ABHD12: variants seen among roughly 807,000 people sequenced by gnomAD.
ABHD12 encodes lysophosphatidylserine lipase ABHD12.
A neutral mutation model predicts 58.3 loss-of-function variants in ABHD12; 43 were observed. That is an observed-to-expected ratio of 0.74 (90% CI 0.58 to 0.95). The LOEUF (loss-of-function observed/expected upper bound fraction) is 0.95, where lower values mean the gene tolerates loss of function less well. Among genes scored for constraint, ABHD12 ranks in the 40% least tolerant of loss-of-function variants. The probability of loss-of-function intolerance (pLI) is 0.00; values close to 1 mark genes in which losing one functional copy is unlikely to be tolerated. For missense variants in ABHD12, 539 were observed against 537.2 expected (o/e 1.00, Z -0.03); for synonymous variants, 219 against 211.2 (o/e 1.04, Z -0.32).
intron 1 of ABHD12, among the ~76,000 whole-genome samples, chr20:25,369,004 T>C (rs2089863438): frequency 1.3e-5 from 2 of 151,860 alleles, no homozygotes; most frequent in Admixed American, 6.6e-5. Context: ...GCACCTATAG[T>C]CCCAGCTACT....
intron 7 of ABHD12, among the ~76,000 whole-genome samples, chr20:25,309,214 G>A (rs757391934): frequency 2.6e-5 from 4 of 152,064 alleles, no homozygotes. Context: ...GAGACCCCTC[G>A]ACCTCCACTG....
chr20:25,309,710 A>G, intron 6 of ABHD12, 135 bp from the exon 7 acceptor site: 2 of 1,296,600 alleles, frequency 1.5e-6, no homozygotes, highest in Non-Finnish European at 2.1e-6. Flanking sequence ...CAGAGTCCAC[A>G]GACCCACCCA....
rs1013194735 is a variant in ABHD12, at chr20:25,300,696, C to T, written c.*149G>A. 5 of 1,541,622 alleles carry T rather than the reference C, an allele frequency of 3.2e-6. No individual in the cohort carries two copies. The highest frequency in any genetic ancestry group is 1.4e-5 in the African/African-American group (1 of 73,028). ...CACTGCAGGCCTGCAGGGGCCTCCC[C>T]GCCTGGGATCTGAGGTGCTCTCCAG... On this transcript the variant is annotated 3_prime_UTR_variant, in exon 13 of 13. Coordinates refer to ENST00000339157, the MANE Select transcript of ABHD12 (RefSeq NM_001042472.3).
chr20:25,294,919 TA>T, exon 13 of ABHD12: 1 of 401,720 alleles, frequency 2.5e-6, no homozygotes, highest in Non-Finnish European at 3.2e-6. Flanking sequence ...GCCTTTGGGT[TA>T]GTTTTAGTTT....
chr20:25,333,656 C>T (rs1382741022), intron 2 of ABHD12, among the ~76,000 whole-genome samples: 16 of 151,728 alleles, frequency 1.1e-4, no homozygotes, highest in East Asian at 3.9e-4. Context: ...GTTCAATATA[C>T]GCAAATCAAT....
intron 11 of ABHD12, chr20:25,303,229 G>T (rs935249405): frequency 1.3e-5 from 16 of 1,221,774 alleles, no homozygotes; most frequent in Admixed American, 3.5e-5. Context: ...GGTTGGCCTG[G>T]GCTCTGATAA....
At chr20:25,318,570 G>A (rs2089006288) in intron 4 of ABHD12, among the ~76,000 whole-genome samples, 1 of 152,046 alleles carries the variant, frequency 6.6e-6, no homozygotes, top group African/African-American at 2.4e-5. Context: ...GGGTGGCGAG[G>A]ACTGCAGCCA....
At chr20:25,380,293 C>G (rs1326643896) in intron 1 of ABHD12, among the ~76,000 whole-genome samples, 2 of 152,112 alleles carry the variant, frequency 1.3e-5, no homozygotes, top group East Asian at 3.8e-4. Context: ...TGGAGTTTCG[C>G]TCTTGTTGCC....
chr20:25,342,817 G>T lies in ABHD12; in HGVS notation c.192-3466C>A, dbSNP rs534729040. On this transcript the variant is annotated intron_variant, in intron 1 of 12. Coordinates refer to ENST00000339157, the MANE Select transcript of ABHD12 (RefSeq NM_001042472.3). ...TGCCCAGGCTGGTCTTGAACTCCTG[G>T]GCTCAAGTGATCCTACCATCTTGGC... is the stretch of plus-strand genomic sequence containing the variant. Among the ~76,000 whole-genome samples, 5 of 152,098 alleles carry T rather than the reference G, an allele frequency of 3.3e-5. No homozygotes were observed. The East Asian group carries it at 7.8e-4, about 24-fold the overall frequency.
intron 1 of ABHD12, among the ~76,000 whole-genome samples, chr20:25,356,263 G>C (rs1223191647): frequency 2.6e-5 from 4 of 152,228 alleles, no homozygotes; most frequent in Non-Finnish European, 5.9e-5. Context: ...CGGAGGTTTT[G>C]CTTCCCACGG....
At chr20:25,340,031 A>G (rs944961300) in intron 1 of ABHD12, among the ~76,000 whole-genome samples, 1 of 152,076 alleles carries the variant, frequency 6.6e-6, no homozygotes, top group African/African-American at 2.4e-5. Context: ...CCCTTTCAAA[A>G]CTATCTCTAA....
chr20:25,302,351 G>C lies in ABHD12; in HGVS notation c.1030-5C>G. 1 of 1,613,056 alleles carries C rather than the reference G, an allele frequency of 6.2e-7. No homozygotes were observed. The highest frequency in any genetic ancestry group is 8.5e-7 in the Non-Finnish European group (1 of 1,179,908). On this transcript the variant is annotated splice_region_variant and splice_polypyrimidine_tract_variant and intron_variant, in intron 11 of 12. Coordinates refer to ENST00000339157, the MANE Select transcript of ABHD12 (RefSeq NM_001042472.3). ...TGGTGCGGCGATGCTATAGAGCTGG[G>C]GAGAGAGGGGTCAGAGCCTGAGGCA... is the stretch of plus-strand genomic sequence containing the variant.
chr20:25,349,063 A>G (rs2089561247), intron 1 of ABHD12, among the ~76,000 whole-genome samples: 1 of 151,134 alleles, frequency 6.6e-6, no homozygotes, highest in African/African-American at 2.4e-5. Flanking sequence ...CAGCCTGGGC[A>G]ACAGAGCGAG....
chr20:25,380,301 G>C (rs1234755881), intron 1 of ABHD12, among the ~76,000 whole-genome samples: 1 of 152,010 alleles, frequency 6.6e-6, no homozygotes, highest in Non-Finnish European at 1.5e-5. Context: ...CGCTCTTGTT[G>C]CCCAGGCTGG....
At chr20:25,307,821 T>C in intron 9 of ABHD12, 145 bp downstream of exon 9, 1 of 356,346 alleles carries the variant, frequency 2.8e-6, no homozygotes, top group African/African-American at 2.2e-5. Flanking sequence ...TGGCCAAAAC[T>C]AGTATTAATT....
chr20:25,352,405 C>T (rs2089613239), intron 1 of ABHD12, among the ~76,000 whole-genome samples: 1 of 152,208 alleles, frequency 6.6e-6, no homozygotes, highest in African/African-American at 2.4e-5. Context: ...TCTCCTGCCT[C>T]AGCCTCCCAA....
At chr20:25,368,353 CA>C (rs773345849) in intron 1 of ABHD12, 15 of 1,556,554 alleles carry the variant, frequency 9.6e-6, no homozygotes, top group Non-Finnish European at 1.3e-5. Context: ...CCATGGCCTC[CA>C]CAATATTCTT....
chr20:25,390,492 C>G (rs1351927740), intron 1 of ABHD12, 21 bp downstream of exon 1: 37 of 1,351,816 alleles, frequency 2.7e-5, no homozygotes, highest in Non-Finnish European at 3.1e-5. Context: ...CCCCCCCCCC[C>G]CGCTCCGCGC....
At chr20:25,367,949 T>C (rs150305192) in intron 1 of ABHD12, among the ~76,000 whole-genome samples, 192 of 152,342 alleles carry the variant, frequency 1.3e-3, no homozygotes, top group African/African-American at 4.4e-3. Flanking sequence ...AGTAATTCTA[T>C]GTTCAATTTT....
Sources: gnomAD v4.1 joint callset for allele counts (sites outside exome capture counted in the v4.1 genomes callset) on GRCh38, gnomAD v4.1.1 for gene constraint, MANE v1.5 for transcripts, NCBI Gene and HGNC (gene_info 2026-07-23, HGNC 2026-07-21) for gene names.